The following TRMT44 variants were observed in gnomAD, a reference collection of about 807,000 sequenced individuals.
TRMT44 encodes the protein tRNA methyltransferase 44 homolog, also known as probable tRNA (uracil-O(2)-)-methyltransferase.
TRMT44 carries 78 observed loss-of-function variants against 77.3 expected under a neutral mutation model. The observed-to-expected ratio is 1.01, with a 90% CI of 0.84 to 1.22. The LOEUF (loss-of-function observed/expected upper bound fraction) is 1.22. Ranked by LOEUF, TRMT44 falls within the 50% of genes most tolerant of loss-of-function variation. The pLI is 0.00. For synonymous variants in TRMT44, 391 were observed against 383.3 expected (o/e 1.02, Z -0.23); for missense variants, 1,090 against 964.4 (o/e 1.13, Z -1.73).
At chr4:8,465,678 C>T (rs539633160) in intron 8 of TRMT44, 117 bp downstream of exon 8, 6 of 923,498 alleles carry the variant, frequency 6.5e-6, no homozygotes, top group East Asian at 5.1e-5. Context: ...TAGAACGTGC[C>T]GGTGCTGATT....
chr4:8,454,845 C>T lies in TRMT44; in HGVS notation c.1203+32C>T, dbSNP rs10938713. 9.0e-3 allele frequency: 14,430 copies of T among 1,601,924 alleles called. 238 individuals carry two copies. The highest frequency in any genetic ancestry group is 0.075 in the East Asian group (3,345 of 44,812). ...TCTTTATTACGCATGCCCTTGATCT[C>T]AGCATGGCTTAGCTCCCAGTGGGAA... On this transcript the variant is annotated intron_variant, in intron 6 of 10. Coordinates refer to ENST00000389737, the MANE Select transcript of TRMT44 (RefSeq NM_152544.3).
At chr4:8,460,574 T>G (rs1483282851) in intron 6 of TRMT44, among the ~76,000 whole-genome samples, 1 of 152,102 alleles carries the variant, frequency 6.6e-6, no homozygotes, top group African/African-American at 2.4e-5. Flanking sequence ...CTCTTTTTTT[T>G]TTTTTGAGAA....
At chr4:8,478,524 T>TG (rs1193308054), downstream of TRMT44, 1 of 152,516 alleles carries the variant, frequency 6.6e-6, no homozygotes, top group Non-Finnish European at 1.5e-5. Flanking sequence ...ACAGGTCATG[T>TG]GACTGGGTGT....
chr4:8,493,593 A>G (rs1728075080), downstream of TRMT44: 1 of 152,210 alleles, frequency 6.6e-6, no homozygotes. Flanking sequence ...GGCAGTGGGC[A>G]AGGAGAACCC....
intron 8 of TRMT44, 98 bp downstream of exon 8, chr4:8,465,659 A>C: frequency 9.0e-7 from 1 of 1,110,422 alleles, no homozygotes; most frequent in Non-Finnish European, 1.3e-6. Context: ...TGTAACGTTC[A>C]AAATGTTCTA....
chr4:8,501,071 G>A, the TRMT44 span, among the ~76,000 whole-genome samples: 14 of 152,210 alleles, frequency 9.2e-5, no homozygotes, highest in African/African-American at 3.1e-4. This position sits in a 1 kb window ranked among gnomAD's most constrained non-coding sequence, Gnocchi z 4.4. Flanking sequence ...CCAGAAACCC[G>A]GATGCAGCCC....
At chr4:8,501,927 G>T in the TRMT44 span, among the ~76,000 whole-genome samples, 1 of 152,210 alleles carries the variant, frequency 6.6e-6, no homozygotes, top group Non-Finnish European at 1.5e-5. The surrounding 1 kb of genome is among the most constrained non-coding windows in gnomAD (Gnocchi z 4.4). Flanking sequence ...GAGAAGACTG[G>T]TGCCACTCTG....
Position 8,451,090 on chromosome 4 carries a change from C to T in TRMT44, c.955-870C>T, listed in dbSNP as rs893867545. On this transcript the variant is annotated intron_variant, in intron 3 of 10. Transcript: ENST00000389737. This position sits in a 1 kb window ranked among gnomAD's most constrained non-coding sequence, Gnocchi z 4.1. ...TTCCATGTATTTTTTTAATCAGTCA[C>T]GTCTTGCTCTGTAACAAAAGCACCC... 1.3e-5 allele frequency among the ~76,000 whole-genome samples: 2 copies of T among 151,960 alleles called. No homozygotes were observed. The highest frequency in any genetic ancestry group is 6.6e-5 in the Admixed American group (1 of 15,246).
chr4:8,471,285 T>G (rs1424370361), intron 10 of TRMT44, 85 bp downstream of exon 10: 2 of 950,638 alleles, frequency 2.1e-6, no homozygotes, highest in African/African-American at 3.4e-5. Flanking sequence ...TAGAGTGGTT[T>G]AGACTCACTG....
At chr4:8,465,356 T>G (rs762554208) in intron 7 of TRMT44, 22 bp from the exon 8 acceptor site, 8 of 1,597,208 alleles carry the variant, frequency 5.0e-6, no homozygotes, top group African/African-American at 4.0e-5. Context: ...CTTGACCCTG[T>G]GGTTGTTGGT....
chr4:8,452,741 A>G lies in TRMT44; in HGVS notation c.1024-141A>G. On this transcript the variant is annotated intron_variant, in intron 4 of 10. Coordinates refer to ENST00000389737, the MANE Select transcript of TRMT44 (RefSeq NM_152544.3). This position sits in a 1 kb window ranked among gnomAD's most constrained non-coding sequence, Gnocchi z 5.7. ...AAGAGCAACACTCCATCTCAAAAAA[A>G]GAAAAAAAAAAAAGAATGTTTAGTG... 1 of 513,730 alleles carries G rather than the reference A, an allele frequency of 1.9e-6. No homozygotes were observed. Among genetic ancestry groups the G allele is most frequent in the Non-Finnish European group, 3.4e-6 (1 of 297,466 alleles). The allele number at this position is 513,730 out of a possible 1,614,324, so 31.8% of individuals were successfully genotyped here.
chr4:8,472,293 G>A (rs536306903), intron 10 of TRMT44, among the ~76,000 whole-genome samples: 23 of 152,138 alleles, frequency 1.5e-4, no homozygotes, highest in Non-Finnish European at 2.6e-4. Context: ...AGAGCGAACA[G>A]CATTTGCAAA....
intron 6 of TRMT44, among the ~76,000 whole-genome samples, chr4:8,456,546 A>C (rs964175355): frequency 6.6e-6 from 1 of 152,086 alleles, no homozygotes; most frequent in African/African-American, 2.4e-5. Context: ...GTTGTTAAAA[A>C]AAAAAAAAAA....
intron 10 of TRMT44, among the ~76,000 whole-genome samples, chr4:8,474,821 T>C (rs913208534): frequency 6.6e-6 from 1 of 152,078 alleles, no homozygotes; most frequent in Non-Finnish European, 1.5e-5. Context: ...TAGGGGGGTA[T>C]CTCGGCCCAA....
intron 6 of TRMT44, chr4:8,455,020 G>C (rs779028475): frequency 1.2e-5 from 7 of 590,768 alleles, no homozygotes; most frequent in Non-Finnish European, 1.8e-5. Context: ...TGACTGAAGG[G>C]CGCTGACCTC....
intron 6 of TRMT44, among the ~76,000 whole-genome samples, chr4:8,459,139 C>G (rs903742176): frequency 6.6e-6 from 1 of 152,154 alleles, no homozygotes; most frequent in Non-Finnish European, 1.5e-5. Flanking sequence ...GAGGTTGAGA[C>G]TGCGGTGAGC....
Position 8,451,182 on chromosome 4 carries a change from G to A in TRMT44, c.955-778G>A, listed in dbSNP as rs923756225. On this transcript the variant is annotated intron_variant, in intron 3 of 10. Coordinates refer to ENST00000389737, the MANE Select transcript of TRMT44 (RefSeq NM_152544.3). This position sits in a 1 kb window ranked among gnomAD's most constrained non-coding sequence, Gnocchi z 4.1. ...GAAGCACCTGTGGGTCCCCGGGGTT[G>A]GCTGACTGAGGCTGGGCTCCCTCCC... Among the ~76,000 whole-genome samples the A allele has an allele frequency of 2.6e-5, 4 of 152,118 alleles. No individual in the cohort carries two copies. The highest frequency in any genetic ancestry group is 7.2e-5 in the African/African-American group (3 of 41,410).
rs998079938 is a variant in TRMT44, at chr4:8,446,844, C to T, written c.734+254C>T. ...CCCTGTGGCTGTGATGATCAGCAGC[C>T]CTTAGCATTAGCTCTGAAGTCAAAC... On this transcript the variant is annotated intron_variant, in intron 2 of 10. Coordinates refer to ENST00000389737, the MANE Select transcript of TRMT44 (RefSeq NM_152544.3). This position sits in a 1 kb window ranked among gnomAD's most constrained non-coding sequence, Gnocchi z 4.3. Among the ~76,000 whole-genome samples, 2 of 151,852 alleles carry T rather than the reference C, an allele frequency of 1.3e-5. No homozygotes were observed. The highest frequency in any genetic ancestry group is 4.8e-5 in the African/African-American group (2 of 41,296).
At chr4:8,505,213 C>T in the TRMT44 span, among the ~76,000 whole-genome samples, 1 of 152,232 alleles carries the variant, frequency 6.6e-6, no homozygotes, top group Non-Finnish European at 1.5e-5. Flanking sequence ...TGTCCGGGTG[C>T]TGCTCCGGCT....
Sources: allele counts gnomAD v4.1 joint callset (sites outside exome capture counted in the v4.1 genomes callset), GRCh38; gene constraint gnomAD v4.1.1; non-coding constraint Gnocchi (gnomAD v3.1); transcripts MANE v1.5; gene names NCBI Gene and HGNC (gene_info 2026-07-23, HGNC 2026-07-21).